SEM1: variants seen among roughly 807,000 people sequenced by gnomAD.
SEM1 encodes 26S proteasome complex subunit SEM1.
Under a neutral mutation model 12.7 loss-of-function variants are expected in SEM1, and 3 were observed. That is an observed-to-expected ratio of 0.24 (90% CI 0.11 to 0.61). The LOEUF is 0.61. Ranked by LOEUF, SEM1 falls within the 20% of genes least tolerant of loss-of-function variation. The pLI is 0.88. For synonymous variants in SEM1, 30 were observed against 27.8 expected, an observed-to-expected ratio of 1.08 and a Z score of -0.25; for missense variants, 59 against 81.3, an observed-to-expected ratio of 0.73 and a Z score of 1.06.
At chr7:96,683,033 G>C (rs1042693995) in intron 2 of SEM1, among the ~76,000 whole-genome samples, 2 of 151,918 alleles carry the variant, frequency 1.3e-5, no homozygotes, top group African/African-American at 4.8e-5. Flanking sequence ...TTAGAATGGC[G>C]ATCATTAAAA....
At position 96,568,523 on chromosome 7, in the gene SEM1, A is replaced by T. The variant is rs192570552; in HGVS notation, c.171-61825T>A. ...TTTCCTCAAGTTTATTTTATTGGTG[A>T]TGACAATTTCTTATTTTGAATGTTT... On this transcript the variant is annotated intron_variant and NMD_transcript_variant, in intron 2 of 3. Coordinates refer to the SEM1 transcript ENST00000466986. 1.5e-4 allele frequency among the ~76,000 whole-genome samples: 23 copies of T among 151,740 alleles called. No individual in the cohort carries two copies. In the East Asian group the frequency reaches 4.4e-3, roughly 29 times the overall value.
chr7:96,527,308 C>A (rs1373501178), intron 2 of SEM1, among the ~76,000 whole-genome samples: 1 of 151,732 alleles, frequency 6.6e-6, no homozygotes, highest in Non-Finnish European at 1.5e-5. Flanking sequence ...GTAAAAGTTC[C>A]AAAAAAAATA....
intron 2 of SEM1, among the ~76,000 whole-genome samples, chr7:96,556,003 G>C (rs1196311517): frequency 1.0e-5 from 1 of 95,282 alleles, no homozygotes; most frequent in Non-Finnish European, 2.7e-5. Context: ...TCAGAGACTA[G>C]GATTGCAACC....
At chr7:96,587,148 A>G (rs1806665563) in intron 2 of SEM1, among the ~76,000 whole-genome samples, 1 of 152,254 alleles carries the variant, frequency 6.6e-6, no homozygotes, top group Non-Finnish European at 1.5e-5. Flanking sequence ...TACATTTATT[A>G]ACAAGATTAA....
At chr7:96,540,180 C>CA (rs1336177554) in intron 2 of SEM1, among the ~76,000 whole-genome samples, 3 of 151,422 alleles carry the variant, frequency 2.0e-5, no homozygotes, top group African/African-American at 7.3e-5. Flanking sequence ...ACTCTGAAAA[C>CA]AACCTAATAT....
chr7:96,702,374 C>T (rs1326262713), intron 1 of SEM1, among the ~76,000 whole-genome samples: 1 of 152,120 alleles, frequency 6.6e-6, no homozygotes, highest in Non-Finnish European at 1.5e-5. Flanking sequence ...ATACCATTCT[C>T]CACTAAAAAG....
chr7:96,654,810 C>T (rs1809125826), intron 2 of SEM1, among the ~76,000 whole-genome samples: 1 of 152,186 alleles, frequency 6.6e-6, no homozygotes, highest in East Asian at 1.9e-4. Flanking sequence ...AGATTTCCCG[C>T]CAACTCAAGG....
In SEM1 at chr7:96,665,491, A is replaced by G. The variant is rs186963205; in HGVS notation, c.170+29307T>C. ...ACTCTAAACTTCTGAGAGAGTAAAT[A>G]TGAAAAGTTAGTTCTCTATTTATAA... On this transcript the variant is annotated intron_variant, in intron 2 of 2. Coordinates refer to the SEM1 transcript ENST00000417009. 1.7e-4 allele frequency among the ~76,000 whole-genome samples: 26 copies of G among 152,352 alleles called. No homozygotes were observed. In the East Asian group the frequency reaches 4.8e-3, roughly 28 times the overall value.
intron 2 of SEM1, among the ~76,000 whole-genome samples, chr7:96,689,292 T>C (rs6968210): frequency 0.21 from 31,274 of 152,064 alleles, 3,268 homozygotes; most frequent in South Asian, 0.25. Flanking sequence ...GTTCTGTTCC[T>C]AATAAATATT....
intron 2 of SEM1, among the ~76,000 whole-genome samples, chr7:96,511,786 G>C (rs988518117): frequency 1.3e-5 from 2 of 151,954 alleles, no homozygotes; most frequent in African/African-American, 4.8e-5. Flanking sequence ...GTATTTTTTT[G>C]ATTGCCTCTC....
At chr7:96,599,559 T>C (rs1049192612) in intron 2 of SEM1, among the ~76,000 whole-genome samples, 7 of 152,210 alleles carry the variant, frequency 4.6e-5, no homozygotes, top group African/African-American at 1.4e-4. Flanking sequence ...CACAGCATGA[T>C]AATGTCTCAT....
At chr7:96,482,560 A>C (rs1033199931) in exon 4 of SEM1, 1 of 152,006 alleles carries the variant, frequency 6.6e-6, no homozygotes, top group South Asian at 2.1e-4. Context: ...TTTCTTGATA[A>C]AGTTACCAGT....
chr7:96,695,358 C>CA (rs1790056664), intron 1 of SEM1: 2 of 151,958 alleles, frequency 1.3e-5, no homozygotes, highest in Admixed American at 1.3e-4. Flanking sequence ...ACAACTGATA[C>CA]AAAATTTATA....
chr7:96,592,368 T>C (rs1279440307), intron 2 of SEM1, among the ~76,000 whole-genome samples: 4 of 152,142 alleles, frequency 2.6e-5, no homozygotes, highest in Non-Finnish European at 4.4e-5. Flanking sequence ...AAGACTGAAG[T>C]GAATAAGAAT....
At chr7:96,670,119 T>C (rs1789274717), downstream of SEM1, among the ~76,000 whole-genome samples, 1 of 152,202 alleles carries the variant, frequency 6.6e-6, no homozygotes, top group African/African-American at 2.4e-5. Flanking sequence ...TTATGGTTGA[T>C]TCTAAATTTC....
At chr7:96,495,252 T>C (rs1803194987) in intron 1 of SEM1, among the ~76,000 whole-genome samples, 1 of 152,202 alleles carries the variant, frequency 6.6e-6, no homozygotes, top group South Asian at 2.1e-4. Context: ...TTTATAGACA[T>C]TGTATTTAGA....
intron 2 of SEM1, among the ~76,000 whole-genome samples, chr7:96,551,119 A>G (rs2115840678): frequency 6.6e-6 from 1 of 152,284 alleles, no homozygotes; most frequent in African/African-American, 2.4e-5. Flanking sequence ...ACTTAAGACA[A>G]TGCAGGTCTG....
intron 2 of SEM1, among the ~76,000 whole-genome samples, chr7:96,522,730 C>A (rs1045203342): frequency 2.4e-5 from 3 of 125,094 alleles, no homozygotes; most frequent in Admixed American, 1.6e-4. Context: ...ATACCCCCCC[C>A]CCAAAAAAAA....
chr7:96,664,786 A>G (rs995665314), intron 2 of SEM1, among the ~76,000 whole-genome samples: 26 of 152,210 alleles, frequency 1.7e-4, no homozygotes, highest in African/African-American at 6.3e-4. Flanking sequence ...CAGAAACTGG[A>G]AACAAACCAA....
Sources: gnomAD v4.1 joint callset for allele counts (sites outside exome capture counted in the v4.1 genomes callset) on GRCh38, gnomAD v4.1.1 for gene constraint, MANE v1.5 for transcripts, NCBI Gene and HGNC (gene_info 2026-07-23, HGNC 2026-07-21) for gene names.